The following RAD23B variants were observed in gnomAD, a reference collection of about 807,000 sequenced individuals.
RAD23B encodes RAD23 nucleotide excision repair protein B, also known as lysine-specific demethylase RAD23B.
RAD23B carries 5 observed loss-of-function variants against 49.1 expected under a neutral mutation model. That is an observed-to-expected ratio of 0.10 (90% confidence interval 0.05 to 0.21). RAD23B has a LOEUF of 0.21. RAD23B is among the 10% of genes least tolerant of loss of function. The pLI is 1.00. For missense variants in RAD23B, 356 were observed against 486.7 expected (o/e 0.73, Z 2.53); for synonymous variants, 184 against 165.4 (o/e 1.11, Z -0.86).
chr9:107,313,017 C>T (rs1313174574), intron 5 of RAD23B, among the ~76,000 whole-genome samples: 2 of 152,100 alleles, frequency 1.3e-5, no homozygotes, highest in African/African-American at 4.8e-5. Context: ...CTTTAATTTA[C>T]CCAAGTCTCT....
rs908480134 is a variant in RAD23B, at chr9:107,283,463, G to C, written c.-167G>C. The C allele has an allele frequency of 1.0e-4, 49 of 483,926 alleles. No individual in the cohort carries two copies. Among genetic ancestry groups the C allele is most frequent in the Middle Eastern group, 1.1e-3 (2 of 1,802 alleles). 30.0% of individuals were successfully genotyped at this position (483,926 alleles called of 1,614,324 possible). ...AGCGGCGCGGTCCGGGGCACGGGCT[G>C]GGGGAGAGGCCGCTCCGCTGGGCGA... On this transcript the variant is annotated 5_prime_UTR_variant, in exon 1 of 10. Transcript: ENST00000358015.
chr9:107,314,432 A>T (rs572466286), intron 5 of RAD23B, among the ~76,000 whole-genome samples: 1 of 152,166 alleles, frequency 6.6e-6, no homozygotes, highest in African/African-American at 2.4e-5. Context: ...TTGTGAGGAC[A>T]TGGGGTATTT....
At chr9:107,322,928 T>C (rs772762361) in intron 7 of RAD23B, among the ~76,000 whole-genome samples, 5 of 152,186 alleles carry the variant, frequency 3.3e-5, no homozygotes, top group African/African-American at 7.2e-5. Context: ...TCAGCACTTA[T>C]TAGGTGACAT....
intron 5 of RAD23B, among the ~76,000 whole-genome samples, chr9:107,317,480 A>G (rs1587860556): frequency 6.6e-6 from 1 of 152,214 alleles, no homozygotes; most frequent in East Asian, 1.9e-4. Context: ...AAGTGGACAC[A>G]TGTTCAATAG....
chr9:107,297,935 A>G (rs1554740798), intron 1 of RAD23B, among the ~76,000 whole-genome samples: 10 of 151,996 alleles, frequency 6.6e-5, no homozygotes, highest in Non-Finnish European at 1.3e-4. Context: ...TTTTCTTCAC[A>G]TATGTCTATG....
chr9:107,325,972 C>G (rs1034504198), intron 9 of RAD23B, among the ~76,000 whole-genome samples: 1 of 151,834 alleles, frequency 6.6e-6, no homozygotes, highest in Non-Finnish European at 1.5e-5. Context: ...TTTTTTCTTT[C>G]TTTATTAAGA....
intron 4 of RAD23B, among the ~76,000 whole-genome samples, chr9:107,306,881 G>A (rs1237564239): frequency 6.7e-6 from 1 of 150,102 alleles, no homozygotes; most frequent in Non-Finnish European, 1.5e-5. Flanking sequence ...AGGGTGGGGG[G>A]CAGTGGAAAG....
intron 1 of RAD23B, chr9:107,283,951 C>G: frequency 1.8e-6 from 2 of 1,118,232 alleles, no homozygotes; most frequent in Non-Finnish European, 2.2e-6. Context: ...AGCGCACGCC[C>G]GCGGGCCTGG....
intron 5 of RAD23B, among the ~76,000 whole-genome samples, chr9:107,317,095 C>T (rs1169770866): frequency 6.7e-6 from 1 of 149,914 alleles, no homozygotes; most frequent in Non-Finnish European, 1.5e-5. Context: ...CACACGCGTG[C>T]GTGTGTGTGT....
At chr9:107,311,533 T>G in intron 4 of RAD23B, 149 bp from the exon 5 acceptor site, 1 of 549,134 alleles carries the variant, frequency 1.8e-6, no homozygotes, top group Non-Finnish European at 3.0e-6. Context: ...TTGGATTTAA[T>G]CTAGAAGAGA....
At chr9:107,294,202 CATGTTTAATATTATGTT>C (rs1434122764) in intron 1 of RAD23B, among the ~76,000 whole-genome samples, 7 of 152,160 alleles carry the variant, frequency 4.6e-5, no homozygotes, top group Non-Finnish European at 8.8e-5. Flanking sequence ...CCATGCCCAT[CATGTTTAATATTATGTT>C]GAGTACGTTT....
At position 107,307,548 on chromosome 9, in the gene RAD23B, A is replaced by G. The variant is rs114982695; in HGVS notation, c.497+901A>G. ...ACTCAGGACCTCAGAGGCAGTAGTT[A>G]TATGATCTTTGGAGTCAGAATCAGA... On this transcript the variant is annotated intron_variant, in intron 4 of 9. Coordinates refer to ENST00000358015, the MANE Select transcript of RAD23B (RefSeq NM_002874.5). Among the ~76,000 whole-genome samples the G allele has an allele frequency of 8.5e-3, 1,300 of 152,330 alleles. 20 individuals are homozygous for G. The highest frequency in any genetic ancestry group is 0.03 in the African/African-American group (1,229 of 41,572).
intron 5 of RAD23B, among the ~76,000 whole-genome samples, chr9:107,315,498 G>A (rs967278518): frequency 4.0e-5 from 6 of 151,776 alleles, no homozygotes; most frequent in Non-Finnish European, 5.9e-5. Flanking sequence ...AGTCTCTCTC[G>A]TTTTTGTTTT....
chr9:107,290,156 A>G (rs1833351430), intron 1 of RAD23B, among the ~76,000 whole-genome samples: 1 of 152,116 alleles, frequency 6.6e-6, no homozygotes, highest in Non-Finnish European at 1.5e-5. Flanking sequence ...GAGAATTTGG[A>G]AATAATCGAG....
chr9:107,292,276 T>C (rs965087820), intron 1 of RAD23B, among the ~76,000 whole-genome samples: 5 of 152,212 alleles, frequency 3.3e-5, no homozygotes, highest in African/African-American at 4.8e-5. Flanking sequence ...CAAAAAGCAA[T>C]GTAGTGCACA....
chr9:107,284,414 G>A (rs1196198924), intron 1 of RAD23B, among the ~76,000 whole-genome samples: 1 of 151,836 alleles, frequency 6.6e-6, no homozygotes, highest in Non-Finnish European at 1.5e-5. Flanking sequence ...TAGAAATCTT[G>A]GAATTGTAGG....
chr9:107,326,828 C>A (rs991154008), intron 9 of RAD23B, among the ~76,000 whole-genome samples: 1 of 151,324 alleles, frequency 6.6e-6, no homozygotes, highest in African/African-American at 2.4e-5. Context: ...TTAGTAGAGA[C>A]GGGGTTTCAA....
intron 1 of RAD23B, 45 bp downstream of exon 1, chr9:107,283,740 G>A: frequency 1.4e-6 from 2 of 1,386,628 alleles, no homozygotes; most frequent in Non-Finnish European, 9.4e-7. Context: ...TGCGGGCCGC[G>A]GGGAGCGCCA....
At chr9:107,323,322 TG>T (rs1325770416) in intron 7 of RAD23B, among the ~76,000 whole-genome samples, 21 of 152,340 alleles carry the variant, frequency 1.4e-4, no homozygotes, top group African/African-American at 4.3e-4. Flanking sequence ...TGAAAATTAA[TG>T]GTAATAACCG....
Sources: gnomAD v4.1 joint callset for allele counts (sites outside exome capture counted in the v4.1 genomes callset) on GRCh38, gnomAD v4.1.1 for gene constraint, MANE v1.5 for transcripts, NCBI Gene and HGNC (gene_info 2026-07-23, HGNC 2026-07-21) for gene names.